CTNNA3: variants seen among roughly 807,000 people sequenced by gnomAD.
CTNNA3 encodes the protein catenin alpha 3, also known as catenin alpha-3.
CTNNA3 carries 76 observed loss-of-function variants against 95.7 expected under a neutral mutation model. That is an observed-to-expected ratio of 0.79 (90% CI 0.66 to 0.96). The LOEUF (loss-of-function observed/expected upper bound fraction) is 0.96. Ranked by LOEUF, CTNNA3 falls within the 40% of genes least tolerant of loss-of-function variation. The probability of loss-of-function intolerance (pLI) is 0.00; values close to 1 mark genes in which losing one functional copy is unlikely to be tolerated. For missense variants in CTNNA3, 1,191 were observed against 1,089.8 expected (o/e 1.09, Z -1.31); for synonymous variants, 431 against 374.4 (o/e 1.15, Z -1.74).
chr10:67,747,334 C>T (rs182149513), intron 1 of CTNNA3, among the ~76,000 whole-genome samples: 1 of 152,202 alleles, frequency 6.6e-6, no homozygotes, highest in Admixed American at 6.5e-5. Context: ...CAGGGGTCAC[C>T]GGACACCTTA....
intron 11 of CTNNA3, among the ~76,000 whole-genome samples, chr10:66,409,215 C>T (rs2093081082): frequency 6.6e-6 from 1 of 152,026 alleles, no homozygotes; most frequent in Non-Finnish European, 1.5e-5. Flanking sequence ...AGGGTGGGTT[C>T]AATGGGAAAT....
At chr10:66,439,087 A>G (rs4522058) in intron 11 of CTNNA3, among the ~76,000 whole-genome samples, 58,040 of 151,736 alleles carry the variant, frequency 0.38, 11,656 homozygotes, top group African/African-American at 0.5. Flanking sequence ...GAAATCACCC[A>G]CCTTCTGCAT....
chr10:66,388,316 T>C (rs1042261700), intron 11 of CTNNA3, among the ~76,000 whole-genome samples: 32 of 152,280 alleles, frequency 2.1e-4, no homozygotes, highest in African/African-American at 5.5e-4. Context: ...TAATACACTA[T>C]GTAATTTCTC....
intron 17 of CTNNA3, among the ~76,000 whole-genome samples, chr10:65,956,819 A>G (rs935043163): frequency 6.6e-6 from 1 of 152,150 alleles, no homozygotes; most frequent in Admixed American, 6.5e-5. Flanking sequence ...TATGTTGTCA[A>G]TTTTGGAATA....
chr10:66,133,506 C>G (rs1411848633), intron 13 of CTNNA3, among the ~76,000 whole-genome samples: 1 of 148,176 alleles, frequency 6.7e-6, no homozygotes, highest in East Asian at 2.0e-4. Context: ...GAGTGAGAGT[C>G]TGTCTTAAAA....
chr10:66,790,937 T>C (rs1343838926), intron 7 of CTNNA3, among the ~76,000 whole-genome samples: 1 of 152,116 alleles, frequency 6.6e-6, no homozygotes, highest in Non-Finnish European at 1.5e-5. Flanking sequence ...CTTATTTACT[T>C]CTAGAATCCA....
intron 7 of CTNNA3, among the ~76,000 whole-genome samples, chr10:66,970,509 G>A (rs1049274700): frequency 7.3e-6 from 1 of 137,746 alleles, no homozygotes; most frequent in African/African-American, 2.6e-5. Flanking sequence ...GGGTGGGGGG[G>A]GGATACAATT....
At chr10:67,515,717 A>C (rs548141370) in intron 5 of CTNNA3, among the ~76,000 whole-genome samples, 94 of 152,336 alleles carry the variant, frequency 6.2e-4, no homozygotes, top group African/African-American at 2.1e-3. Context: ...GAATAATTCA[A>C]TCAGAATTCT....
At chr10:66,194,008 G>A (rs2086819766) in intron 13 of CTNNA3, among the ~76,000 whole-genome samples, 1 of 152,044 alleles carries the variant, frequency 6.6e-6, no homozygotes, top group Non-Finnish European at 1.5e-5. Context: ...AAAAAATGAT[G>A]TAAATTTAAA....
chr10:66,527,637 G>A (rs1270267194), intron 10 of CTNNA3, among the ~76,000 whole-genome samples: 2 of 152,018 alleles, frequency 1.3e-5, no homozygotes, highest in Non-Finnish European at 2.9e-5. Context: ...AGACATTCAG[G>A]TAAAAGTCTT....
chr10:66,967,436 T>C (rs1849491179), intron 7 of CTNNA3, among the ~76,000 whole-genome samples: 1 of 151,848 alleles, frequency 6.6e-6, no homozygotes, highest in Non-Finnish European at 1.5e-5. Context: ...ACACATAGCA[T>C]GCATATGAAT....
At chr10:65,991,912 G>C (rs1223576417) in intron 15 of CTNNA3, among the ~76,000 whole-genome samples, 1 of 151,774 alleles carries the variant, frequency 6.6e-6, no homozygotes, top group Non-Finnish European at 1.5e-5. Context: ...TATTATGTTG[G>C]GGTATATTCC....
intron 13 of CTNNA3, among the ~76,000 whole-genome samples, chr10:66,203,814 T>C (rs1379033346): frequency 1.3e-5 from 2 of 152,182 alleles, no homozygotes; most frequent in Non-Finnish European, 2.9e-5. Context: ...CAAGGTTTTG[T>C]ATTTTTATTT....
intron 17 of CTNNA3, among the ~76,000 whole-genome samples, chr10:65,947,407 A>T (rs2077535231): frequency 6.6e-6 from 1 of 152,172 alleles, no homozygotes. Flanking sequence ...TTCCATGACT[A>T]CTGCCATGAC....
At chr10:67,596,143 A>G (rs1287536265) in intron 3 of CTNNA3, among the ~76,000 whole-genome samples, 1 of 152,116 alleles carries the variant, frequency 6.6e-6, no homozygotes, top group African/African-American at 2.4e-5. Context: ...GTTAACATTG[A>G]TATGTGCAGA....
rs571954980 is a variant in CTNNA3, at chr10:67,585,381, C to T, written c.292+21476G>A. ...GAGTTAGGGAGAATTCCTTCCTCCT[C>T]AATTTTTTGTAAAAGTTTCAGGAGG... is the stretch of plus-strand genomic sequence containing the variant. On this transcript the variant is annotated intron_variant, in intron 3 of 17. Transcript: ENST00000433211. Among the ~76,000 whole-genome samples the T allele has an allele frequency of 2.0e-5, 3 of 152,220 alleles. No individual in the cohort carries two copies. In the South Asian group the frequency reaches 6.2e-4, roughly 32 times the overall value.
intron 7 of CTNNA3, among the ~76,000 whole-genome samples, chr10:67,059,287 ACAT>A (rs764401932): frequency 5.4e-4 from 82 of 152,326 alleles, no homozygotes; most frequent in Middle Eastern, 6.8e-3. Context: ...AAATGAATTG[ACAT>A]CATGTTAGTG....
chr10:66,622,332 T>G (rs1246811241), intron 9 of CTNNA3, among the ~76,000 whole-genome samples: 1 of 152,182 alleles, frequency 6.6e-6, no homozygotes, highest in Non-Finnish European at 1.5e-5. Context: ...TGGGCACTGT[T>G]TGACATTCCT....
intron 13 of CTNNA3, among the ~76,000 whole-genome samples, chr10:66,194,277 G>T (rs1393208188): frequency 6.6e-6 from 1 of 152,134 alleles, no homozygotes; most frequent in Non-Finnish European, 1.5e-5. Flanking sequence ...TGCCCAAATG[G>T]ATAGATTTCA....
Sources: allele counts gnomAD v4.1 joint callset (sites outside exome capture counted in the v4.1 genomes callset), GRCh38; gene constraint gnomAD v4.1.1; transcripts MANE v1.5; gene names NCBI Gene and HGNC (gene_info 2026-07-23, HGNC 2026-07-21).